Variants in EIF3B observed in about 807,000 individuals in gnomAD.
The protein encoded by EIF3B is eukaryotic translation initiation factor 3 subunit B, also known as eukaryotic translation initiation factor 3 subunit 9.
A neutral mutation model predicts 104.6 loss-of-function variants in EIF3B; 10 were observed. The observed-to-expected ratio is 0.10, with a 90% CI of 0.06 to 0.16. The LOEUF is 0.16. EIF3B is among the 10% of genes least tolerant of loss of function. EIF3B has a pLI of 1.00. For synonymous variants in EIF3B, 542 were observed against 417.2 expected, an observed-to-expected ratio of 1.30 and a Z score of -3.65; for missense variants, 1,014 against 1,087.9, an observed-to-expected ratio of 0.93 and a Z score of 0.96.
Position 2,360,893 on chromosome 7 carries a change from A to G in EIF3B, c.683A>G (p.Lys228Arg), listed in dbSNP as rs1363256975. ...GATTTTTATCCTGAAGAGGATGGGA[A>G]GACAAAAGGGTGAGTGTTCTCCTGT... ...TNDFYPEEDG[K>R]TKGYIFLEYA... The change falls in exon 2 of 19, where the codon AAG becomes AGG. Residue 228 changes from lysine (K) to arginine (R), a missense_variant. Around this residue, in one of 4 missense-constraint regions of EIF3B, gnomAD observed 488 missense variants for 404.3 expected, o/e 1.21. Transcript: ENST00000360876. 7 of 1,610,392 alleles carry G rather than the reference A, an allele frequency of 4.3e-6. No individual in the cohort carries two copies. The highest frequency in any genetic ancestry group is 5.9e-6 in the Non-Finnish European group (7 of 1,176,970).
At position 2,374,502 on chromosome 7, in the gene EIF3B, G is replaced by A. The variant is rs764674107; in HGVS notation, c.1811-26G>A. 22 of 1,612,068 alleles carry A rather than the reference G, an allele frequency of 1.4e-5. No homozygotes were observed. The East Asian group carries it at 1.6e-4, about 11-fold the overall frequency. ...GGCACTGTGGAAGCCCTCGCAGCTC[G>A]TGACAGGCGCGCTCTTTCCTTTCAG... On this transcript the variant is annotated intron_variant, in intron 12 of 18. Transcript: ENST00000360876.
intron 10 of EIF3B, among the ~76,000 whole-genome samples, chr7:2,371,257 C>G (rs944533833): frequency 6.6e-6 from 1 of 152,220 alleles, no homozygotes; most frequent in Non-Finnish European, 1.5e-5. Flanking sequence ...ACAGCTGGTC[C>G]ACGGTGCTGA....
chr7:2,375,473 A>G lies in EIF3B; in HGVS notation c.1974A>G (p.Glu658=). The G allele has an allele frequency of 6.2e-7, 1 of 1,614,180 alleles. No homozygotes were observed. The highest frequency in any genetic ancestry group is 8.5e-7 in the Non-Finnish European group (1 of 1,180,010). ...IAEHYMASDV[E]WDPTGRYVVT... is the part of the protein sequence containing the mutation. ...AGCACTACATGGCTTCCGACGTCGA[A>G]TGGGATCCTACTGGGCGCTACGTCG... The change falls in exon 14 of 19, where the codon GAA becomes GAG. Residue 658 remains glutamate (E), a synonymous_variant. Coordinates refer to ENST00000360876, the MANE Select transcript of EIF3B (RefSeq NM_001037283.2).
At chr7:2,358,496 G>A (rs953838715) in intron 1 of EIF3B, among the ~76,000 whole-genome samples, 3 of 115,224 alleles carry the variant, frequency 2.6e-5, no homozygotes, top group African/African-American at 8.2e-5. Context: ...GAATATTTTC[G>A]GACATCTGCA....
At chr7:2,366,290 G>A in intron 6 of EIF3B, 27 bp from the exon 7 acceptor site, 1 of 1,571,006 alleles carries the variant, frequency 6.4e-7, no homozygotes, top group Non-Finnish European at 8.6e-7. Context: ...GAGGAGGATA[G>A]TGTACAGTGT....
chr7:2,374,486 G>A (rs1463051385), intron 12 of EIF3B, 42 bp from the exon 13 acceptor site: 1 of 1,604,522 alleles, frequency 6.2e-7, no homozygotes, highest in Admixed American at 1.7e-5. Context: ...CGGCACTGTG[G>A]AAGCCCTCGC....
chr7:2,375,342 G>T lies in EIF3B; in HGVS notation c.1890-47G>T, dbSNP rs376199660. ...GCACCTCTCAGGAGTGGGATGCCAG[G>T]AGGTATGCGTCTCCATGAAGCCTGA... is the stretch of plus-strand genomic sequence containing the variant. On this transcript the variant is annotated intron_variant, in intron 13 of 18. Coordinates refer to ENST00000360876, the MANE Select transcript of EIF3B (RefSeq NM_001037283.2). 7.5e-6 allele frequency: 12 copies of T among 1,607,096 alleles called. No individual in the cohort carries two copies. The African/African-American group carries it at 1.6e-4, about 21-fold the overall frequency.
intron 5 of EIF3B, 96 bp downstream of exon 5, chr7:2,363,856 G>A (rs111259692): frequency 7.2e-7 from 1 of 1,398,206 alleles, no homozygotes; most frequent in Non-Finnish European, 9.6e-7. Flanking sequence ...GGAAGAGCAG[G>A]TGACGTTATA....
At position 2,379,407 on chromosome 7, in the gene EIF3B, C is replaced by T. The variant is rs1285292103; in HGVS notation, c.2355C>T (p.Asp785=). The part of the protein sequence containing the change: ...RLELRGGVDT[D]ELDSNVDDWE... ...TTGTCCCCTCAGGGGTGGACACTGA[C>T]GAGCTGGACAGCAACGTGGACGACT... The change falls in exon 18 of 19, where the codon GAC becomes GAT. Residue 785 remains aspartate (D), a synonymous_variant. Transcript: ENST00000360876. 9.4e-6 allele frequency: 15 copies of T among 1,590,960 alleles called. No homozygotes were observed. Among genetic ancestry groups the T allele is most frequent in the East Asian group, 4.5e-5 (2 of 44,042 alleles).
At chr7:2,373,009 C>CA in intron 12 of EIF3B, 1 of 391,288 alleles carries the variant, frequency 2.6e-6, no homozygotes, top group East Asian at 3.8e-5. Context: ...GTTGAGCCCT[C>CA]ACGTTTAAGC....
chr7:2,369,381 A>C, intron 9 of EIF3B, 91 bp from the exon 10 acceptor site: 1 of 1,350,726 alleles, frequency 7.4e-7, no homozygotes, highest in Non-Finnish European at 1.0e-6. Flanking sequence ...TTGAGCTTCT[A>C]TATAGCAAAT....
At chr7:2,371,295 G>C (rs1780327532) in intron 10 of EIF3B, among the ~76,000 whole-genome samples, 1 of 152,188 alleles carries the variant, frequency 6.6e-6, no homozygotes, top group Non-Finnish European at 1.5e-5. Context: ...TTGTTGGGTG[G>C]ACCCCGTTTC....
intron 6 of EIF3B, among the ~76,000 whole-genome samples, chr7:2,365,381 C>T (rs922152712): frequency 4.0e-5 from 6 of 151,862 alleles, no homozygotes; most frequent in African/African-American, 7.2e-5. Flanking sequence ...CAGTGTGAGG[C>T]GAACGGGGGC....
chr7:2,363,348 A>G (rs757202924), intron 4 of EIF3B, among the ~76,000 whole-genome samples: 15 of 151,990 alleles, frequency 9.9e-5, no homozygotes, highest in Non-Finnish European at 2.2e-4. Flanking sequence ...ATTCCCAGCT[A>G]CCTGGGAGGC....
At chr7:2,368,859 T>G (rs1392043627) in intron 9 of EIF3B, among the ~76,000 whole-genome samples, 1 of 152,208 alleles carries the variant, frequency 6.6e-6, no homozygotes, top group Non-Finnish European at 1.5e-5. Context: ...CTTCTTTCGT[T>G]TTTACATTCT....
At chr7:2,366,622 G>T (rs781417389) in intron 8 of EIF3B, 31 bp downstream of exon 8, 1 of 1,612,288 alleles carries the variant, frequency 6.2e-7, no homozygotes, top group Non-Finnish European at 8.5e-7. Flanking sequence ...CAAACGCCCC[G>T]TCCGGTCCTT....
chr7:2,360,647 T>C, intron 1 of EIF3B, 63 bp from the exon 2 acceptor site: 1 of 1,331,746 alleles, frequency 7.5e-7, no homozygotes, highest in Non-Finnish European at 1.0e-6. Context: ...TTTAGTGTGC[T>C]CAGTTAATGT....
At chr7:2,354,406 C>G (rs140089507), upstream of EIF3B, 13 of 152,360 alleles carry the variant, frequency 8.5e-5, no homozygotes, top group African/African-American at 3.1e-4. Flanking sequence ...GCGAAAGGCT[C>G]AGACGCCCTG....
Position 2,374,610 on chromosome 7 carries a change from G to T in EIF3B, c.1889+4G>T. On this transcript the variant is annotated splice_donor_region_variant and intron_variant, in intron 13 of 18. Coordinates refer to ENST00000360876, the MANE Select transcript of EIF3B (RefSeq NM_001037283.2). ...TGGTGTTGGCGGGCCTGAGGAGGTA[G>T]GTGTCTGCGCTCTGAGCCTGTCCGC... 6.2e-7 allele frequency: 1 copy of T among 1,613,828 alleles called. No homozygotes were observed. The highest frequency in any genetic ancestry group is 8.5e-7 in the Non-Finnish European group (1 of 1,179,732).
Sources: allele counts gnomAD v4.1 joint callset (sites outside exome capture counted in the v4.1 genomes callset), GRCh38; gene constraint gnomAD v4.1.1; regional missense constraint gnomAD v4.1.1; transcripts MANE v1.5; gene names NCBI Gene and HGNC (gene_info 2026-07-23, HGNC 2026-07-21).